USP25: variants seen among roughly 807,000 people sequenced by gnomAD.
The protein encoded by USP25 is ubiquitin carboxyl-terminal hydrolase 25.
USP25 carries 85 observed loss-of-function variants against 158.5 expected under a neutral mutation model. That is an observed-to-expected ratio of 0.54 (90% CI 0.45 to 0.64). USP25 has a LOEUF of 0.64. USP25 is among the 30% of genes least tolerant of loss of function. The pLI, the probability that USP25 is intolerant of heterozygous loss-of-function variation, is 0.00. For missense variants in USP25, 1,242 were observed against 1,327.3 expected (o/e 0.94, Z 1.00); for synonymous variants, 464 against 460.4 (o/e 1.01, Z -0.10).
intron 1 of USP25, 22 bp from the exon 2 acceptor site, chr21:15,762,869 T>A (rs1340242031): frequency 1.9e-6 from 3 of 1,600,572 alleles, no homozygotes; most frequent in Non-Finnish European, 2.6e-6. Context: ...ATATAATGAT[T>A]TTGGGTTTTT....
chr21:15,774,696 C>T (rs1655418285), intron 3 of USP25, among the ~76,000 whole-genome samples: 1 of 152,194 alleles, frequency 6.6e-6, no homozygotes, highest in Admixed American at 6.5e-5. Context: ...TAGAATTAAA[C>T]ATAAATCAAG....
At chr21:15,866,468 C>A in intron 22 of USP25, 124 bp downstream of exon 22, 1 of 549,648 alleles carries the variant, frequency 1.8e-6, no homozygotes, top group South Asian at 5.5e-5. Context: ...AATTAAGTTT[C>A]CAAGTCAATG....
intron 3 of USP25, among the ~76,000 whole-genome samples, chr21:15,775,251 T>C (rs960306569): frequency 5.9e-5 from 9 of 152,248 alleles, no homozygotes; most frequent in African/African-American, 2.2e-4. Context: ...TTGTTGCTAT[T>C]TTTAAATTAG....
At chr21:15,837,013 G>A (rs1278884744) in intron 17 of USP25, among the ~76,000 whole-genome samples, 3 of 69,558 alleles carry the variant, frequency 4.3e-5, no homozygotes, top group Non-Finnish European at 8.6e-5. Flanking sequence ...GTGGATCAGA[G>A]TGAGTAGGGG....
chr21:15,776,529 A>G (rs1319009064), intron 3 of USP25, among the ~76,000 whole-genome samples: 1 of 151,538 alleles, frequency 6.6e-6, no homozygotes, highest in East Asian at 1.9e-4. Flanking sequence ...CCTTATAGCC[A>G]TATGGTAAAA....
chr21:15,739,485 T>G (rs1445579074), intron 1 of USP25, among the ~76,000 whole-genome samples: 2 of 152,116 alleles, frequency 1.3e-5, no homozygotes, highest in Non-Finnish European at 2.9e-5. Context: ...GCTGGTAGTT[T>G]GTCAGTCTCT....
intron 1 of USP25, among the ~76,000 whole-genome samples, chr21:15,741,937 A>G (rs1601246118): frequency 6.6e-6 from 1 of 152,216 alleles, no homozygotes; most frequent in African/African-American, 2.4e-5. Context: ...AATTAATTGC[A>G]CACATACATG....
At chr21:15,765,021 T>C (rs1344863087) in intron 2 of USP25, among the ~76,000 whole-genome samples, 2 of 152,142 alleles carry the variant, frequency 1.3e-5, no homozygotes, top group Non-Finnish European at 2.9e-5. Context: ...TTCTCTCCTC[T>C]AGTCTATTCT....
chr21:15,864,604 A>G (rs1171638748), intron 21 of USP25, among the ~76,000 whole-genome samples, 158 bp downstream of exon 21: 1 of 152,076 alleles, frequency 6.6e-6, no homozygotes, highest in Non-Finnish European at 1.5e-5. Context: ...TAGTTGCTGG[A>G]GTCTGTGGCC....
chr21:15,812,932 A>G (rs1252103743), intron 9 of USP25, among the ~76,000 whole-genome samples: 1 of 152,004 alleles, frequency 6.6e-6, no homozygotes, highest in African/African-American at 2.4e-5. Flanking sequence ...CAACTTTTTG[A>G]GAACTTCTAG....
chr21:15,747,062 A>G (rs17241409), intron 1 of USP25, among the ~76,000 whole-genome samples: 11,585 of 152,090 alleles, frequency 0.076, 500 homozygotes, highest in East Asian at 0.093. Context: ...ATATCTTTTT[A>G]TATATTTATG....
intron 21 of USP25, 56 bp from the exon 22 acceptor site, chr21:15,866,209 AT>A: frequency 9.6e-7 from 1 of 1,041,054 alleles, no homozygotes. Context: ...ACAAATATAT[AT>A]ATATATATAT....
chr21:15,732,440 A>G (rs1327641244), intron 1 of USP25, among the ~76,000 whole-genome samples: 1 of 152,234 alleles, frequency 6.6e-6, no homozygotes, highest in Non-Finnish European at 1.5e-5. Flanking sequence ...TGACAGATTT[A>G]AATCCGTCAA....
At chr21:15,859,991 A>ATATATATATATATATATAT (rs1315516466) in intron 20 of USP25, among the ~76,000 whole-genome samples, 69 of 131,074 alleles carry the variant, frequency 5.3e-4, no homozygotes, top group African/African-American at 1.9e-3. Context: ...ATATATCTAT[A>ATATATATATATATATATAT]TTTTTTTTTT....
At chr21:15,772,577 T>A (rs2034418566) in intron 3 of USP25, among the ~76,000 whole-genome samples, 1 of 152,212 alleles carries the variant, frequency 6.6e-6, no homozygotes, top group Admixed American at 6.5e-5. Flanking sequence ...CAAAGGCTAA[T>A]TTTCTGTAAC....
At chr21:15,801,152 G>C (rs187323430) in intron 6 of USP25, among the ~76,000 whole-genome samples, 1 of 151,606 alleles carries the variant, frequency 6.6e-6, no homozygotes, top group East Asian at 1.9e-4. Flanking sequence ...TTTCTAGTTA[G>C]GTATGCATGT....
At chr21:15,803,503 C>T (rs926446627) in intron 6 of USP25, among the ~76,000 whole-genome samples, 6 of 151,632 alleles carry the variant, frequency 4.0e-5, no homozygotes, top group African/African-American at 1.4e-4. Context: ...GAAGGAAAAC[C>T]ATATTATCAT....
At chr21:15,851,095 A>G (rs561145658) in intron 20 of USP25, among the ~76,000 whole-genome samples, 33 of 151,642 alleles carry the variant, frequency 2.2e-4, no homozygotes, top group African/African-American at 7.7e-4. Flanking sequence ...TTATGCCCAG[A>G]TAGTCTACAT....
rs141906685 is a variant in USP25, at chr21:15,762,219, A to G, written c.46-672A>G. On this transcript the variant is annotated intron_variant, in intron 1 of 25. Coordinates refer to ENST00000400183, the MANE Select transcript of USP25 (RefSeq NM_001283041.3). ...ATTTTTTATTTCATGGTACTGTTCT[A>G]TAGTGTTGGGAACTTCAAGAAATAC... Among the ~76,000 whole-genome samples the G allele has an allele frequency of 1.2e-4, 18 of 151,792 alleles. No individual in the cohort carries two copies. The East Asian group carries it at 2.1e-3, about 18-fold the overall frequency.
Sources: gnomAD v4.1 joint callset for allele counts (sites outside exome capture counted in the v4.1 genomes callset) on GRCh38, gnomAD v4.1.1 for gene constraint, MANE v1.5 for transcripts, NCBI Gene and HGNC (gene_info 2026-07-23, HGNC 2026-07-21) for gene names.